The following KCNT1 variants were observed in gnomAD, a reference collection of about 807,000 sequenced individuals.
KCNT1 encodes potassium sodium-activated channel subfamily T member 1, also known as potassium channel subfamily T member 1.
In KCNT1, 78 loss-of-function variants were observed where a neutral mutation model predicts 147.8. That is an observed-to-expected ratio of 0.53 (90% CI 0.44 to 0.64). The LOEUF (loss-of-function observed/expected upper bound fraction) is 0.64, where lower values mean the gene tolerates loss of function less well. Ranked by LOEUF, KCNT1 falls within the 30% of genes least tolerant of loss-of-function variation. The probability of loss-of-function intolerance (pLI) is 0.00; values close to 1 mark genes in which losing one functional copy is unlikely to be tolerated. For synonymous variants in KCNT1, 867 were observed against 748.8 expected (o/e 1.16, Z -2.58); for missense variants, 1,419 against 1,750.3 (o/e 0.81, Z 3.38).
At chr9:135,776,739 G>A (rs945590235) in intron 20 of KCNT1, among the ~76,000 whole-genome samples, 2 of 152,260 alleles carry the variant, frequency 1.3e-5, no homozygotes, top group Non-Finnish European at 2.9e-5. Context: ...ATCCTTGACA[G>A]ATCGTTATTG....
intron 25 of KCNT1, among the ~76,000 whole-genome samples, 179 bp downstream of exon 25, chr9:135,784,304 C>T (rs1833845701): frequency 6.6e-6 from 1 of 152,156 alleles, no homozygotes; most frequent in African/African-American, 2.4e-5. Flanking sequence ...CCTTTTTGAC[C>T]TATGGGTGCC....
chr9:135,748,017 CTT>C (rs374194548), intron 2 of KCNT1, among the ~76,000 whole-genome samples: 26 of 152,190 alleles, frequency 1.7e-4, no homozygotes, highest in African/African-American at 6.0e-4. Flanking sequence ...TGACGGCTCA[CTT>C]CAGCCTCAAA....
Position 135,771,297 on chromosome 9 carries a change from A to G in KCNT1, c.2008+202A>G, listed in dbSNP as rs1345215128. ...GGCAGGGCGGGAGACCAGGTGGGAC[A>G]GGAGACCAGACCGGGCAGGGCAGGA... On this transcript the variant is annotated intron_variant, in intron 18 of 30. Coordinates refer to ENST00000371757, the MANE Select transcript of KCNT1 (RefSeq NM_020822.3). 4.9e-6 allele frequency: 3 copies of G among 611,570 alleles called. No individual in the cohort carries two copies. In the South Asian group the frequency reaches 5.9e-5, roughly 12 times the overall value. The allele number at this position is 611,570 out of a possible 1,614,324, so 37.9% of individuals were successfully genotyped here.
chr9:135,775,033 C>T (rs956292495), intron 19 of KCNT1, among the ~76,000 whole-genome samples: 2 of 152,216 alleles, frequency 1.3e-5, no homozygotes, highest in African/African-American at 4.8e-5. Context: ...GTGCCCTGGG[C>T]ACTGCCCTGA....
intron 1 of KCNT1, among the ~76,000 whole-genome samples, chr9:135,706,424 TG>T (rs939930120): frequency 2.6e-5 from 4 of 152,218 alleles, no homozygotes; most frequent in Non-Finnish European, 5.9e-5. Context: ...GGGGTGAGAA[TG>T]GCTCCTCCTC....
chr9:135,709,275 G>A (rs963625163), intron 1 of KCNT1, among the ~76,000 whole-genome samples: 2 of 152,182 alleles, frequency 1.3e-5, no homozygotes, highest in East Asian at 1.9e-4. Flanking sequence ...ACGGGCTCAC[G>A]CAGGCTCACA....
intron 2 of KCNT1, among the ~76,000 whole-genome samples, chr9:135,742,297 C>T (rs1381728625): frequency 1.3e-5 from 2 of 152,244 alleles, no homozygotes; most frequent in Non-Finnish European, 2.9e-5. Flanking sequence ...GCTCACCGCG[C>T]TCGCTTCTGG....
At chr9:135,761,321 G>A (rs1373672833) in intron 11 of KCNT1, among the ~76,000 whole-genome samples, 2 of 152,204 alleles carry the variant, frequency 1.3e-5, no homozygotes, top group Admixed American at 6.5e-5. Context: ...GTGGGGTGGG[G>A]TGGAGCTGGG....
intron 2 of KCNT1, among the ~76,000 whole-genome samples, chr9:135,731,751 A>T (rs1836440653): frequency 6.6e-6 from 1 of 151,492 alleles, no homozygotes; most frequent in Non-Finnish European, 1.5e-5. Flanking sequence ...CACTGCAGAA[A>T]ATCTGCAGCC....
At chr9:135,720,090 C>T (rs144613044) in intron 2 of KCNT1, among the ~76,000 whole-genome samples, 1 of 152,130 alleles carries the variant, frequency 6.6e-6, no homozygotes, top group Non-Finnish European at 1.5e-5. Flanking sequence ...CAGGCAGCAA[C>T]TGTGGATGGG....
At chr9:135,786,105 G>T in intron 28 of KCNT1, 92 bp from the exon 29 acceptor site, 1 of 1,192,596 alleles carries the variant, frequency 8.4e-7, no homozygotes, top group Non-Finnish European at 1.2e-6. Flanking sequence ...AAGCTGCAGA[G>T]CCCACACCTC....
In KCNT1 at chr9:135,786,053, G is replaced by A. The variant is rs528075704; in HGVS notation, c.3178-144G>A. On this transcript the variant is annotated intron_variant, in intron 28 of 30. Coordinates refer to ENST00000371757, the MANE Select transcript of KCNT1 (RefSeq NM_020822.3). ...CACATGCACCCTGGGGTCTGTCGTC[G>A]TCCTCTTCCCTAACACCCCCAGCTG... The A allele has an allele frequency of 1.9e-5, 13 of 683,342 alleles. 1 individual carries two copies. The highest frequency in any genetic ancestry group is 1.5e-4 in the South Asian group (8 of 52,950). The allele number at this position is 683,342 out of a possible 1,614,324, so 42.3% of individuals were successfully genotyped here. A position where few individuals can be genotyped will look rare whatever the true frequency, so the allele number is the denominator to read the frequency against.
Position 135,714,571 on chromosome 9 carries a change from C to T in KCNT1, c.111-6C>T. 7.9e-6 allele frequency: 10 copies of T among 1,273,306 alleles called. No homozygotes were observed. Among genetic ancestry groups the T allele is most frequent in the Non-Finnish European group, 1.0e-5 (10 of 995,160 alleles). 78.9% of individuals were successfully genotyped at this position (1,273,306 alleles called of 1,614,324 possible). ...CGGGCTGAGGGGCGCTGGCGTGTGC[C>T]CGCAGGCGGCCCTGCGCGGGGGACG... On this transcript the variant is annotated splice_polypyrimidine_tract_variant and splice_region_variant and intron_variant, in intron 1 of 30. Coordinates refer to ENST00000371757, the MANE Select transcript of KCNT1 (RefSeq NM_020822.3). The surrounding 1 kb of genome is among the most constrained non-coding windows in gnomAD (Gnocchi z 6.2).
At chr9:135,751,154 T>C (rs981122046) in intron 4 of KCNT1, 113 bp downstream of exon 4, 8 of 965,702 alleles carry the variant, frequency 8.3e-6, no homozygotes, top group African/African-American at 4.8e-5. Flanking sequence ...GCCTGGGGCC[T>C]TGGGGAGTCC....
chr9:135,749,671 G>T (rs1193650081), intron 2 of KCNT1, among the ~76,000 whole-genome samples: 1 of 152,246 alleles, frequency 6.6e-6, no homozygotes, highest in East Asian at 1.9e-4. Context: ...CCTGTATGAC[G>T]CAGGTCCTAC....
intron 1 of KCNT1, among the ~76,000 whole-genome samples, chr9:135,711,501 C>T (rs1003802508): frequency 2.6e-5 from 4 of 152,240 alleles, no homozygotes; most frequent in Non-Finnish European, 4.4e-5. Context: ...GAACTGTTCT[C>T]AGGATTCCAT....
chr9:135,767,861 C>T (rs1305800050), intron 13 of KCNT1, among the ~76,000 whole-genome samples: 1 of 152,038 alleles, frequency 6.6e-6, no homozygotes, highest in Non-Finnish European at 1.5e-5. Flanking sequence ...AGGGCAGGCA[C>T]TGCCCTAGGA....
chr9:135,757,083 A>G, intron 7 of KCNT1, 73 bp from the exon 8 acceptor site: 1 of 453,890 alleles, frequency 2.2e-6, no homozygotes, highest in Non-Finnish European at 3.8e-6. Context: ...CCTCTTCCCC[A>G]CCCTGCCCCT....
At position 135,793,855 on chromosome 9, in the gene KCNT1, G is replaced by C. The variant is rs1015787178; in HGVS notation, c.*1694G>C. The C allele has an allele frequency of 8.5e-5, 13 of 152,576 alleles. No individual in the cohort carries two copies. Among genetic ancestry groups the C allele is most frequent in the African/African-American group, 2.9e-4 (12 of 41,578 alleles). 9.5% of individuals were successfully genotyped at this position (152,576 alleles called of 1,614,324 possible). A position where few individuals can be genotyped will look rare whatever the true frequency, so the allele number is the denominator to read the frequency against. On this transcript the variant is annotated 3_prime_UTR_variant, in exon 31 of 31. Transcript: ENST00000371757. ...GGACCTTGATGGAGCGGCAGGGATT[G>C]ATGTTGGGCTAGGGTGGCCAGAGCC... is the stretch of plus-strand genomic sequence containing the variant.
Sources: gnomAD v4.1 joint callset for allele counts (sites outside exome capture counted in the v4.1 genomes callset) on GRCh38, gnomAD v4.1.1 for gene constraint, Gnocchi (gnomAD v3.1) non-coding constraint, MANE v1.5 for transcripts, NCBI Gene and HGNC (gene_info 2026-07-23, HGNC 2026-07-21) for gene names.